The following PCDH15 variants were observed in gnomAD, a reference collection of about 807,000 sequenced individuals.
PCDH15 encodes the protein protocadherin related 15.
A neutral mutation model predicts 178.5 loss-of-function variants in PCDH15; 129 were observed. The observed-to-expected ratio is 0.72, with a 90% CI of 0.63 to 0.84. The LOEUF (loss-of-function observed/expected upper bound fraction) is 0.84. Among genes scored for constraint, PCDH15 ranks in the 40% least tolerant of loss-of-function variants. The pLI is 0.00. For synonymous variants in PCDH15, 800 were observed against 732.0 expected, an observed-to-expected ratio of 1.09 and a Z score of -1.50; for missense variants, 2,230 against 2,099.9, an observed-to-expected ratio of 1.06 and a Z score of -1.21.
rs147826917 is a variant in PCDH15, at chr10:55,440,082, A to G, written c.-156+187543T>C. On this transcript the variant is annotated intron_variant, in intron 2 of 5. Coordinates refer to the PCDH15 transcript ENST00000613346. ...AAAACTTGACGCTGTTATATAAAAG[A>G]CACATTTTACTTGTAATTGGAATGG... Among the ~76,000 whole-genome samples, 857 of 152,304 alleles carry G rather than the reference A, an allele frequency of 5.6e-3. 10 individuals carry two copies. The highest frequency in any genetic ancestry group is 0.02 in the African/African-American group (817 of 41,582).
chr10:54,272,577 C>T (rs1338974921), intron 8 of PCDH15, among the ~76,000 whole-genome samples: 2 of 152,050 alleles, frequency 1.3e-5, no homozygotes, highest in Admixed American at 1.3e-4. Context: ...CTATAGAATG[C>T]TACAGATAGT....
At chr10:55,175,551 T>C (rs553976191) in intron 1 of PCDH15, among the ~76,000 whole-genome samples, 17 of 149,368 alleles carry the variant, frequency 1.1e-4, no homozygotes, top group African/African-American at 3.9e-4. Flanking sequence ...TAATCCCAGG[T>C]ACTTGGGGGG....
intron 26 of PCDH15, among the ~76,000 whole-genome samples, chr10:53,872,726 T>C (rs371329492): frequency 2.6e-5 from 4 of 152,228 alleles, no homozygotes; most frequent in Admixed American, 1.3e-4. Flanking sequence ...ATAAGTTCTC[T>C]TTCTCACTCC....
intron 8 of PCDH15, among the ~76,000 whole-genome samples, chr10:54,301,893 G>C (rs1176341451): frequency 1.3e-5 from 2 of 152,102 alleles, no homozygotes; most frequent in African/African-American, 2.4e-5. Flanking sequence ...TTTCTTTACT[G>C]TCTTTTCTCA....
At chr10:54,462,709 T>TAAAAAAAAAAAAAAAAAAAAAAAAAAAAA (rs2077272253) in intron 3 of PCDH15, among the ~76,000 whole-genome samples, 1 of 141,788 alleles carries the variant, frequency 7.1e-6, no homozygotes, top group Non-Finnish European at 1.5e-5. Flanking sequence ...TTTTTTTTTT[T>TAAAAAAAAAAAAAAAAAAAAAAAAAAAAA]TTAAGTAGAG....
chr10:55,153,041 A>T (rs976349585), intron 2 of PCDH15, among the ~76,000 whole-genome samples: 6 of 152,152 alleles, frequency 3.9e-5, no homozygotes, highest in Non-Finnish European at 8.8e-5. Flanking sequence ...TAAAGATACA[A>T]AATATGGTTA....
At chr10:54,282,176 C>A (rs1418126303) in intron 8 of PCDH15, among the ~76,000 whole-genome samples, 1 of 152,196 alleles carries the variant, frequency 6.6e-6, no homozygotes, top group Admixed American at 6.6e-5. Flanking sequence ...TTGGTTTTAA[C>A]ACCACCTGGA....
chr10:53,938,986 T>C (rs762720537), intron 24 of PCDH15, 31 bp from the exon 25 acceptor site: 10 of 1,603,502 alleles, frequency 6.2e-6, no homozygotes, highest in South Asian at 1.1e-5. Flanking sequence ...ACCTGGTCAT[T>C]GTCTTTACGC....
intron 2 of PCDH15, among the ~76,000 whole-genome samples, chr10:55,120,740 G>C (rs2132065925): frequency 6.6e-6 from 1 of 152,304 alleles, no homozygotes; most frequent in East Asian, 1.9e-4. Context: ...TTCTTGTGCA[G>C]TGCTCTTTGG....
chr10:54,396,693 T>C (rs568665263), intron 3 of PCDH15, among the ~76,000 whole-genome samples: 8 of 152,256 alleles, frequency 5.3e-5, no homozygotes, highest in African/African-American at 1.9e-4. Context: ...TGGAAGTTAA[T>C]GCAATAACAT....
chr10:55,313,482 C>T (rs766896935), intron 1 of PCDH15, among the ~76,000 whole-genome samples: 64 of 152,174 alleles, frequency 4.2e-4, no homozygotes, highest in Non-Finnish European at 7.4e-4. Flanking sequence ...TTTGGGATGG[C>T]GTTACGGATG....
intron 2 of PCDH15, among the ~76,000 whole-genome samples, chr10:54,568,073 A>AC (rs2089296963): frequency 6.6e-6 from 1 of 152,152 alleles, no homozygotes; most frequent in Admixed American, 6.6e-5. Flanking sequence ...AATTTTGCAC[A>AC]CCTTGGCTTA....
chr10:54,789,916 A>G (rs1211756657), intron 1 of PCDH15, among the ~76,000 whole-genome samples: 1 of 151,998 alleles, frequency 6.6e-6, no homozygotes, highest in Non-Finnish European at 1.5e-5. Flanking sequence ...CACATTGAAA[A>G]TGGCAAAATT....
chr10:54,064,251 A>G (rs1033216078), intron 18 of PCDH15, among the ~76,000 whole-genome samples: 2 of 152,142 alleles, frequency 1.3e-5, no homozygotes, highest in Non-Finnish European at 2.9e-5. Context: ...CGAAGAGGAA[A>G]TCTCCTCCCT....
At chr10:55,492,945 G>T (rs1159089393) in intron 2 of PCDH15, among the ~76,000 whole-genome samples, 3 of 151,764 alleles carry the variant, frequency 2.0e-5, no homozygotes, top group Non-Finnish European at 2.9e-5. Context: ...ACTAGATGTT[G>T]TTATCAGTAG....
chr10:55,490,148 A>G (rs1337023072), intron 2 of PCDH15, among the ~76,000 whole-genome samples: 2 of 151,748 alleles, frequency 1.3e-5, no homozygotes, highest in Non-Finnish European at 2.9e-5. Context: ...AGTGTTCTAT[A>G]TAATCCTAGT....
At chr10:54,826,423 A>T (rs1376819037) in intron 3 of PCDH15, among the ~76,000 whole-genome samples, 2 of 151,968 alleles carry the variant, frequency 1.3e-5, no homozygotes, top group Non-Finnish European at 2.9e-5. Context: ...GGCAAGATAC[A>T]ACTGAAACAA....
At chr10:54,796,272 A>ATCTATCTATC (rs1564482362) in intron 1 of PCDH15, among the ~76,000 whole-genome samples, 2 of 99,730 alleles carry the variant, frequency 2.0e-5, no homozygotes, top group African/African-American at 4.5e-5. Context: ...CTATCTATCT[A>ATCTATCTATC]TGTATCTATG....
At chr10:54,346,627 AG>A in intron 5 of PCDH15, 143 bp from the exon 6 acceptor site, 1 of 952,290 alleles carries the variant, frequency 1.1e-6, no homozygotes, top group South Asian at 1.4e-5. Flanking sequence ...GTGTTTCAAA[AG>A]AACAGTTTTG....
Sources: gnomAD v4.1 joint callset for allele counts (sites outside exome capture counted in the v4.1 genomes callset) on GRCh38, gnomAD v4.1.1 for gene constraint, MANE v1.5 for transcripts, NCBI Gene and HGNC (gene_info 2026-07-23, HGNC 2026-07-21) for gene names.